The following GRIA4 variants were observed in gnomAD, a reference collection of about 807,000 sequenced individuals.
GRIA4 encodes the protein glutamate receptor 4.
In GRIA4, 34 loss-of-function variants were observed where a neutral mutation model predicts 104.0. The observed-to-expected ratio is 0.33, with a 90% CI of 0.25 to 0.44. The LOEUF is 0.44. Ranked by LOEUF, GRIA4 falls within the 20% of genes least tolerant of loss-of-function variation. GRIA4 has a pLI of 1.00. For missense variants in GRIA4, 750 were observed against 1,096.5 expected (o/e 0.68, Z 4.46); for synonymous variants, 386 against 381.9 (o/e 1.01, Z -0.13).
At position 105,826,875 on chromosome 11, in the gene GRIA4, A is replaced by T. The variant is rs554377701; in HGVS notation, c.488-35149A>T. Among the ~76,000 whole-genome samples, 3 of 152,062 alleles carry T rather than the reference A, an allele frequency of 2.0e-5. No individual in the cohort carries two copies. The East Asian group carries it at 5.8e-4, about 30-fold the overall frequency. ...TATATCGGCAGCTGTCTTTGACCCT[A>T]TTTCCTATTCTTTGGTCAGCAACCA... is the stretch of plus-strand genomic sequence containing the variant. On this transcript the variant is annotated intron_variant, in intron 4 of 16. Transcript: ENST00000282499.
At chr11:105,669,733 G>T (rs990345109) in intron 3 of GRIA4, among the ~76,000 whole-genome samples, 7 of 152,180 alleles carry the variant, frequency 4.6e-5, no homozygotes, top group South Asian at 4.1e-4. Flanking sequence ...CTCATATTAG[G>T]TAGGTACTAT....
chr11:105,613,458 A>G (rs1362691889), intron 3 of GRIA4: 1 of 152,186 alleles, frequency 6.6e-6, no homozygotes, highest in South Asian at 2.1e-4. Flanking sequence ...ACAATTTTGC[A>G]TGTTTTCACA....
chr11:105,925,000 A>T (rs1947665735), intron 12 of GRIA4, among the ~76,000 whole-genome samples: 1 of 152,160 alleles, frequency 6.6e-6, no homozygotes, highest in African/African-American at 2.4e-5. Flanking sequence ...AGAGCTCTCA[A>T]AAATCATTTA....
chr11:105,806,824 A>G (rs530721310), intron 4 of GRIA4, among the ~76,000 whole-genome samples: 1 of 151,946 alleles, frequency 6.6e-6, no homozygotes, highest in African/African-American at 2.4e-5. Context: ...AGGAGACCAT[A>G]AAAGGGAATA....
In GRIA4 at chr11:105,926,957, C is replaced by G; in HGVS notation, c.2046+18C>G. Reference sequence around the variant, plus strand: ...TCTTCAGAGTAAGTTAAGGGAAAAACTAAAAATGAAATGTTTATCATTTTG... The same window carrying G: ...TCTTCAGAGTAAGTTAAGGGAAAAAGTAAAAATGAAATGTTTATCATTTTG... On this transcript the variant is annotated intron_variant, in intron 13 of 16. Coordinates refer to ENST00000282499, the MANE Select transcript of GRIA4 (RefSeq NM_000829.4). The G allele has an allele frequency of 6.5e-7, 1 of 1,526,768 alleles. No individual in the cohort carries two copies. Among genetic ancestry groups the G allele is most frequent in the Non-Finnish European group, 9.1e-7 (1 of 1,102,990 alleles). 94.6% of individuals were successfully genotyped at this position (1,526,768 alleles called of 1,614,324 possible).
chr11:105,637,264 A>G (rs976026642), intron 3 of GRIA4, among the ~76,000 whole-genome samples: 1 of 152,210 alleles, frequency 6.6e-6, no homozygotes, highest in Non-Finnish European at 1.5e-5. Flanking sequence ...TATTAACAAT[A>G]GAATTCTACA....
chr11:105,632,157 G>A (rs569574551), intron 3 of GRIA4, among the ~76,000 whole-genome samples: 2 of 152,276 alleles, frequency 1.3e-5, no homozygotes, highest in South Asian at 4.1e-4. Context: ...TCTGTCATGG[G>A]TATGCAGTAT....
intron 8 of GRIA4, among the ~76,000 whole-genome samples, chr11:105,904,682 T>C (rs1946980232): frequency 6.6e-6 from 1 of 152,202 alleles, no homozygotes; most frequent in Non-Finnish European, 1.5e-5. Context: ...TTCTGAAATG[T>C]CACAGGTTCA....
intron 14 of GRIA4, chr11:105,945,486 C>T (rs149227016): frequency 1.0e-6 from 1 of 963,468 alleles, no homozygotes; most frequent in Non-Finnish European, 1.2e-6. Flanking sequence ...GAGAACTAAC[C>T]AGCTCCAGGA....
chr11:105,622,870 A>C (rs1415433358), intron 3 of GRIA4, among the ~76,000 whole-genome samples: 1 of 151,658 alleles, frequency 6.6e-6, no homozygotes, highest in Non-Finnish European at 1.5e-5. Flanking sequence ...TACAATGTCT[A>C]TTAGTCCAAA....
intron 3 of GRIA4, among the ~76,000 whole-genome samples, chr11:105,728,415 A>T (rs1411554049): frequency 1.3e-5 from 2 of 152,154 alleles, no homozygotes; most frequent in Non-Finnish European, 2.9e-5. Context: ...GGAGACTTTA[A>T]CACCCCACTG....
At chr11:105,828,450 T>G (rs984923928) in intron 4 of GRIA4, among the ~76,000 whole-genome samples, 1 of 151,980 alleles carries the variant, frequency 6.6e-6, no homozygotes, top group African/African-American at 2.4e-5. Flanking sequence ...TTTCATATGT[T>G]GGAAATGCTA....
chr11:105,809,396 T>C (rs1302619082), intron 4 of GRIA4, among the ~76,000 whole-genome samples: 10 of 152,134 alleles, frequency 6.6e-5, no homozygotes, highest in African/African-American at 1.9e-4. Context: ...TATTTTAAAA[T>C]ATGTAATAAA....
chr11:105,679,009 G>A (rs1952628650), intron 3 of GRIA4, among the ~76,000 whole-genome samples: 1 of 151,970 alleles, frequency 6.6e-6, no homozygotes, highest in African/African-American at 2.4e-5. Flanking sequence ...GTTAGTAGAC[G>A]TATTAGAGTT....
chr11:105,744,640 G>A (rs1939533016), intron 3 of GRIA4, among the ~76,000 whole-genome samples: 1 of 152,068 alleles, frequency 6.6e-6, no homozygotes, highest in Non-Finnish European at 1.5e-5. Flanking sequence ...CTAGACCCAG[G>A]ACTTCAAGGT....
At chr11:105,682,679 C>T (rs971272681) in intron 3 of GRIA4, among the ~76,000 whole-genome samples, 14 of 152,174 alleles carry the variant, frequency 9.2e-5, no homozygotes, top group South Asian at 8.3e-4. Flanking sequence ...TTTCTTTTTT[C>T]GCACTCTTAT....
At chr11:105,696,230 C>T (rs561773034) in intron 3 of GRIA4, among the ~76,000 whole-genome samples, 23 of 152,258 alleles carry the variant, frequency 1.5e-4, no homozygotes, top group Admixed American at 9.1e-4. Flanking sequence ...AAGCATGTTA[C>T]GTACTTGACC....
chr11:105,624,348 G>A (rs886455153), intron 3 of GRIA4, among the ~76,000 whole-genome samples: 3 of 152,100 alleles, frequency 2.0e-5, no homozygotes, highest in African/African-American at 7.2e-5. Context: ...CAAAGTAGGA[G>A]AAAGCCCTTT....
rs1186508981 is a variant in GRIA4, at chr11:105,612,448, A to G, written c.247+14A>G. 6.2e-7 allele frequency: 1 copy of G among 1,609,574 alleles called. No individual in the cohort carries two copies. The highest frequency in any genetic ancestry group is 8.5e-7 in the Non-Finnish European group (1 of 1,176,958). On this transcript the variant is annotated intron_variant, in intron 3 of 16. Transcript: ENST00000282499. ...TAACAAACGCCTGTAAGTAAAACAT[A>G]AGCTATGAAAAATTAGAAGAGAACT...
Sources: allele counts gnomAD v4.1 joint callset (sites outside exome capture counted in the v4.1 genomes callset), GRCh38; gene constraint gnomAD v4.1.1; transcripts MANE v1.5; gene names NCBI Gene and HGNC (gene_info 2026-07-23, HGNC 2026-07-21).